The following DLGAP2 variants were observed in gnomAD, a reference collection of about 807,000 sequenced individuals.
The protein encoded by DLGAP2 is disks large-associated protein 2.
DLGAP2 carries 26 observed loss-of-function variants against 100.3 expected under a neutral mutation model. That is an observed-to-expected ratio of 0.26 (90% confidence interval 0.19 to 0.36). The LOEUF is 0.36. Among genes scored for constraint, DLGAP2 ranks in the 10% least tolerant of loss-of-function variants. DLGAP2 has a pLI of 1.00. For synonymous variants in DLGAP2, 886 were observed against 630.1 expected, an observed-to-expected ratio of 1.41 and a Z score of -6.08; for missense variants, 1,858 against 1,453.2, an observed-to-expected ratio of 1.28 and a Z score of -4.53.
intron 1 of DLGAP2, among the ~76,000 whole-genome samples, chr8:760,928 A>G (rs751071351): frequency 2.6e-5 from 4 of 151,996 alleles, no homozygotes; most frequent in Non-Finnish European, 2.9e-5. Flanking sequence ...TCTCAAATCA[A>G]TTTTTGAGAG....
chr8:1,700,897 G>A (rs1039141292), intron 14 of DLGAP2, among the ~76,000 whole-genome samples: 1 of 152,374 alleles, frequency 6.6e-6, no homozygotes, highest in South Asian at 2.1e-4. Flanking sequence ...TGACTGCAGA[G>A]ACGCAAGGTG....
At chr8:1,007,205 G>A (rs563596806) in intron 2 of DLGAP2, among the ~76,000 whole-genome samples, 4 of 152,194 alleles carry the variant, frequency 2.6e-5, no homozygotes, top group East Asian at 3.9e-4. Context: ...CGGGGACACC[G>A]TGCATCTCAA....
chr8:1,629,134 T>A (rs1797582895), intron 7 of DLGAP2, among the ~76,000 whole-genome samples: 1 of 152,334 alleles, frequency 6.6e-6, no homozygotes, highest in South Asian at 2.1e-4. Flanking sequence ...GACTTTAAAT[T>A]CCTCATGAGG....
At chr8:1,012,533 C>A (rs541972725) in intron 2 of DLGAP2, among the ~76,000 whole-genome samples, 12 of 134,680 alleles carry the variant, frequency 8.9e-5, no homozygotes, top group Admixed American at 6.7e-4. Flanking sequence ...TCCGACCAGC[C>A]CCCCCACTTC....
At chr8:1,437,095 G>A (rs1055904144) in intron 3 of DLGAP2, among the ~76,000 whole-genome samples, 5 of 151,400 alleles carry the variant, frequency 3.3e-5, no homozygotes, top group Non-Finnish European at 7.4e-5. Context: ...TAGGGGTGAC[G>A]CCATCCGGGT....
intron 4 of DLGAP2, among the ~76,000 whole-genome samples, chr8:1,524,480 G>A (rs908252622): frequency 7.9e-5 from 12 of 152,134 alleles, no homozygotes; most frequent in East Asian, 1.9e-4. Context: ...AACAACGGAC[G>A]TTGATTCTCC....
chr8:1,076,190 G>A (rs950942215), intron 2 of DLGAP2, among the ~76,000 whole-genome samples: 4 of 152,140 alleles, frequency 2.6e-5, no homozygotes, highest in East Asian at 1.9e-4. Context: ...TGAACCTGAC[G>A]TTCTCCGCCT....
chr8:1,680,656 G>C (rs771522773), intron 12 of DLGAP2: 2 of 152,220 alleles, frequency 1.3e-5, no homozygotes, highest in African/African-American at 4.8e-5. Context: ...GCCGTGTTCC[G>C]ATCGTTCACA....
chr8:1,171,958 G>A (rs1196266116), intron 2 of DLGAP2, among the ~76,000 whole-genome samples: 1 of 152,086 alleles, frequency 6.6e-6, no homozygotes, highest in Non-Finnish European at 1.5e-5. Flanking sequence ...CTCGTTAGTT[G>A]ATGCAGTTTC....
intron 3 of DLGAP2, among the ~76,000 whole-genome samples, chr8:1,410,069 C>T (rs772148928): frequency 6.6e-6 from 1 of 152,128 alleles, no homozygotes; most frequent in Admixed American, 6.5e-5. Flanking sequence ...GAAATGGTGT[C>T]AGGTCCACAA....
At chr8:812,163 G>T (rs1421190706) in intron 1 of DLGAP2, among the ~76,000 whole-genome samples, 2 of 152,224 alleles carry the variant, frequency 1.3e-5, no homozygotes, top group African/African-American at 2.4e-5. Context: ...AGGGGCTGGT[G>T]AGTCTGAAAT....
rs140989767 is a variant in DLGAP2 at position 1,408,120 on chromosome 8, A to C, written c.107-93246A>C. ...AGAACAGCTGGTCTTCACTGAGATC[A>C]AGGCAAGCCTGGTCTCTGGCTCACT... On this transcript the variant is annotated intron_variant, in intron 3 of 14. Coordinates refer to ENST00000637795, the MANE Select transcript of DLGAP2 (RefSeq NM_001346810.2). Among the ~76,000 whole-genome samples the C allele has an allele frequency of 6.1e-4, 93 of 152,348 alleles. 1 individual carries two copies. Among genetic ancestry groups the C allele is most frequent in the African/African-American group, 2.2e-3 (93 of 41,578 alleles).
chr8:755,217 G>A (rs1264967478), intron 1 of DLGAP2, among the ~76,000 whole-genome samples: 3 of 152,136 alleles, frequency 2.0e-5, no homozygotes, highest in African/African-American at 7.2e-5. Flanking sequence ...CTAGCACTTT[G>A]GGAGGCCAAG....
intron 3 of DLGAP2, among the ~76,000 whole-genome samples, chr8:1,379,383 C>T (rs1483861499): frequency 6.6e-6 from 1 of 152,260 alleles, no homozygotes; most frequent in Non-Finnish European, 1.5e-5. Flanking sequence ...CGTACGCCGA[C>T]ATCCCTTATC....
intron 3 of DLGAP2, among the ~76,000 whole-genome samples, chr8:1,463,526 C>T (rs1486416865): frequency 1.3e-5 from 2 of 152,236 alleles, no homozygotes; most frequent in Admixed American, 6.5e-5. Context: ...GGGTCCTGTT[C>T]CCAGGACGCT....
At chr8:1,423,254 T>G (rs898555788) in intron 3 of DLGAP2, among the ~76,000 whole-genome samples, 3 of 150,660 alleles carry the variant, frequency 2.0e-5, no homozygotes, top group Admixed American at 6.6e-5. Flanking sequence ...GAACTCTACT[T>G]AGTCACAGCT....
At chr8:1,603,362 C>T (rs1428300809) in intron 6 of DLGAP2, among the ~76,000 whole-genome samples, 4 of 146,950 alleles carry the variant, frequency 2.7e-5, no homozygotes, top group African/African-American at 1.0e-4. Flanking sequence ...TCCATAGAGG[C>T]TGGTTAGAAT....
chr8:858,364 A>G (rs549944018), intron 1 of DLGAP2, among the ~76,000 whole-genome samples: 3 of 152,398 alleles, frequency 2.0e-5, no homozygotes, highest in African/African-American at 7.2e-5. Flanking sequence ...ACTGCATGGC[A>G]TTCTGGAAAA....
chr8:1,349,687 C>T (rs1801661937), intron 3 of DLGAP2, among the ~76,000 whole-genome samples: 2 of 123,376 alleles, frequency 1.6e-5, no homozygotes, highest in Admixed American at 1.6e-4. Context: ...TCATGAGCCT[C>T]CTGCCCACAT....
Sources: allele counts gnomAD v4.1 joint callset (sites outside exome capture counted in the v4.1 genomes callset), GRCh38; gene constraint gnomAD v4.1.1; transcripts MANE v1.5; gene names NCBI Gene and HGNC (gene_info 2026-07-23, HGNC 2026-07-21).